The following NKD1 variants were observed in gnomAD, a reference collection of about 807,000 sequenced individuals.
NKD1 encodes NKD inhibitor of Wnt signaling pathway 1.
In NKD1, 21 loss-of-function variants were observed where a neutral mutation model predicts 56.0. That is an observed-to-expected ratio of 0.38 (90% CI 0.27 to 0.54). The LOEUF is 0.54. Ranked by LOEUF, NKD1 falls within the 20% of genes least tolerant of loss-of-function variation. The pLI is 0.82. For missense variants in NKD1, 578 were observed against 642.7 expected (o/e 0.90, Z 1.09); for synonymous variants, 263 against 265.7 (o/e 0.99, Z 0.10).
intron 3 of NKD1, among the ~76,000 whole-genome samples, chr16:50,596,140 G>A (rs1048003004): frequency 5.3e-5 from 8 of 152,206 alleles, no homozygotes; most frequent in Non-Finnish European, 2.9e-5. Context: ...CATGGGTGTG[G>A]CTGTGGCCTC....
At chr16:50,579,566 C>T (rs1370915522) in intron 3 of NKD1, among the ~76,000 whole-genome samples, 2 of 123,526 alleles carry the variant, frequency 1.6e-5, no homozygotes, top group Admixed American at 7.7e-5. Context: ...TAACCCGCCA[C>T]GCATGCACTG....
At chr16:50,587,152 G>T (rs767693436) in intron 3 of NKD1, among the ~76,000 whole-genome samples, 1 of 152,130 alleles carries the variant, frequency 6.6e-6, no homozygotes, top group African/African-American at 2.4e-5. Context: ...TCATCTTTCT[G>T]GTCATCCCTA....
At chr16:50,596,370 T>C (rs913196652) in intron 3 of NKD1, among the ~76,000 whole-genome samples, 1 of 145,672 alleles carries the variant, frequency 6.9e-6, no homozygotes, top group Admixed American at 6.6e-5. Context: ...TTGTATGTTT[T>C]AGCATTTTTT....
chr16:50,548,464 C>T lies in NKD1; in HGVS notation c.-90C>T. On this transcript the variant is annotated 5_prime_UTR_variant, in exon 1 of 10. Coordinates refer to ENST00000268459, the MANE Select transcript of NKD1 (RefSeq NM_033119.5). ...CCTCGGGCTCCGCTCGGCTCGGGGG[C>T]TGCTTCGGGAGGAGGAGAGCCAAGG... 1 of 898,930 alleles carries T rather than the reference C, an allele frequency of 1.1e-6. No homozygotes were observed. Among genetic ancestry groups the T allele is most frequent in the Non-Finnish European group, 1.4e-6 (1 of 695,164 alleles). The allele number at this position is 898,930 out of a possible 1,614,324, so 55.7% of individuals were successfully genotyped here.
rs566214755 is a variant in NKD1, at chr16:50,624,610, G to A, written c.367-875G>A. ...GGCACTGGGAGCAGGCAGTGTGTAG[G>A]GGAGGCGATCCTGGGGCGCAGGTGC... On this transcript the variant is annotated intron_variant, in intron 5 of 9. Transcript: ENST00000268459. 7.9e-5 allele frequency among the ~76,000 whole-genome samples: 12 copies of A among 152,322 alleles called. No homozygotes were observed. The East Asian group carries it at 2.1e-3, about 27-fold the overall frequency.
chr16:50,589,333 G>A lies in NKD1; in HGVS notation c.193-18961G>A, dbSNP rs543993653. ...AGTCCCTCAGACGCAAGCACCAGTC[G>A]AGTTTCTTGACTTCCTTTTTAAGCA... On this transcript the variant is annotated intron_variant, in intron 3 of 9. Transcript: ENST00000268459. Among the ~76,000 whole-genome samples the A allele has an allele frequency of 1.9e-4, 29 of 152,328 alleles. No homozygotes were observed. The South Asian group carries it at 2.9e-3, about 15-fold the overall frequency.
intron 3 of NKD1, chr16:50,575,146 T>G (rs535498952): frequency 3.6e-4 from 357 of 985,062 alleles, no homozygotes; most frequent in Non-Finnish European, 4.2e-4. Flanking sequence ...ATTTATTAGA[T>G]TCTCTACTGC....
At position 50,634,552 on chromosome 16, in the gene NKD1, C is replaced by T. The variant is rs1962426417; in HGVS notation, c.*771C>T. The T allele has an allele frequency of 6.6e-6, 1 of 152,488 alleles. No individual in the cohort carries two copies. Among genetic ancestry groups the T allele is most frequent in the East Asian group, 1.9e-4 (1 of 5,326 alleles). The allele number at this position is 152,488 out of a possible 1,614,324, so 9.4% of individuals were successfully genotyped here. The stretch of plus-strand genomic sequence containing the variant: ...AAACTGCTAGGGAGGGAACCAACCA[C>T]TTAAACAAGCGTGGTTTTCCAAGAT... On this transcript the variant is annotated 3_prime_UTR_variant, in exon 10 of 10. Coordinates refer to ENST00000268459, the MANE Select transcript of NKD1 (RefSeq NM_033119.5).
At chr16:50,572,724 G>A (rs1394418028) in intron 3 of NKD1, among the ~76,000 whole-genome samples, 3 of 152,148 alleles carry the variant, frequency 2.0e-5, no homozygotes, top group South Asian at 2.1e-4. Flanking sequence ...CCTATGGTTC[G>A]TCTTCTTACC....
At chr16:50,589,518 G>A (rs1363807838) in intron 3 of NKD1, among the ~76,000 whole-genome samples, 1 of 152,118 alleles carries the variant, frequency 6.6e-6, no homozygotes, top group Non-Finnish European at 1.5e-5. Context: ...AGCCTGGTCG[G>A]GGGCACCATT....
At chr16:50,626,216 A>G (rs1567353213) in intron 6 of NKD1, among the ~76,000 whole-genome samples, 1 of 152,128 alleles carries the variant, frequency 6.6e-6, no homozygotes. Context: ...GTGTCTTTGC[A>G]TATTGAGCAC....
chr16:50,596,265 C>T (rs1178213156), intron 3 of NKD1, among the ~76,000 whole-genome samples: 8 of 152,212 alleles, frequency 5.3e-5, no homozygotes, highest in African/African-American at 1.9e-4. Context: ...ACCCATTTCA[C>T]CAGAATGCTG....
chr16:50,550,092 A>T (rs558068683), intron 3 of NKD1, among the ~76,000 whole-genome samples: 1 of 152,104 alleles, frequency 6.6e-6, no homozygotes, highest in East Asian at 1.9e-4. Flanking sequence ...CTTACTTGGC[A>T]TATGAGATAG....
At chr16:50,622,089 G>A (rs556671791) in intron 5 of NKD1, among the ~76,000 whole-genome samples, 1 of 152,298 alleles carries the variant, frequency 6.6e-6, no homozygotes, top group Admixed American at 6.5e-5. Flanking sequence ...GGTGCCTGTG[G>A]GGGATCTCAG....
In NKD1 at chr16:50,648,501, G is replaced by A. The variant is rs1045648100; in HGVS notation, c.*14720G>A. The stretch of plus-strand genomic sequence containing the variant: ...GACTTTCTTGCCCCTAAATCCACTG[G>A]GCATTTCATTGCTACCTTTCTTGAC... On this transcript the variant is annotated 3_prime_UTR_variant, in exon 10 of 10. Coordinates refer to ENST00000268459, the MANE Select transcript of NKD1 (RefSeq NM_033119.5). 6.6e-6 allele frequency: 1 copy of A among 152,246 alleles called. No homozygotes were observed. Among genetic ancestry groups the A allele is most frequent in the African/African-American group, 2.4e-5 (1 of 41,366 alleles). 9.4% of individuals were successfully genotyped at this position (152,246 alleles called of 1,614,324 possible).
In NKD1 at chr16:50,608,370, G is replaced by A. The variant is rs1328478684; in HGVS notation, c.259+10G>A. 1.4e-5 allele frequency: 22 copies of A among 1,602,062 alleles called. No homozygotes were observed. Among genetic ancestry groups the A allele is most frequent in the Non-Finnish European group, 1.8e-5 (21 of 1,170,310 alleles). Reference sequence around the variant, plus strand: ...GACTTTCGGCTGGAAGGTATTCGGAGTCCATTGCTCTCTTCCCAGCAGCAG... The same window carrying A: ...GACTTTCGGCTGGAAGGTATTCGGAATCCATTGCTCTCTTCCCAGCAGCAG... On this transcript the variant is annotated intron_variant, in intron 4 of 9. Transcript: ENST00000268459.
At chr16:50,624,199 T>C (rs1246022744) in intron 5 of NKD1, among the ~76,000 whole-genome samples, 1 of 152,082 alleles carries the variant, frequency 6.6e-6, no homozygotes. Flanking sequence ...AGAATGGTCT[T>C]GTTTCCATAG....
intron 3 of NKD1, among the ~76,000 whole-genome samples, chr16:50,603,103 A>G (rs1375102284): frequency 6.6e-6 from 1 of 152,196 alleles, no homozygotes; most frequent in East Asian, 1.9e-4. Flanking sequence ...ACACCATCCT[A>G]GGCATGTTGT....
At chr16:50,613,738 C>G (rs1278333536) in intron 4 of NKD1, 2 of 86,808 alleles carry the variant, frequency 2.3e-5, no homozygotes, top group Non-Finnish European at 4.3e-5. Flanking sequence ...CATGTTTTAA[C>G]TTGGGTGGGG....
Sources: gnomAD v4.1 joint callset for allele counts (sites outside exome capture counted in the v4.1 genomes callset) on GRCh38, gnomAD v4.1.1 for gene constraint, MANE v1.5 for transcripts, NCBI Gene and HGNC (gene_info 2026-07-23, HGNC 2026-07-21) for gene names.